ADAMTS9: variants seen among roughly 807,000 people sequenced by gnomAD.
The protein encoded by ADAMTS9 is ADAM metallopeptidase with thrombospondin type 1 motif 9.
A neutral mutation model predicts 257.1 loss-of-function variants in ADAMTS9; 107 were observed. The ratio of observed to expected loss-of-function variants is 0.42; its 90% confidence interval spans 0.36 to 0.49. The LOEUF (loss-of-function observed/expected upper bound fraction) is 0.49. ADAMTS9 is among the 20% of genes least tolerant of loss of function. ADAMTS9 has a pLI of 0.03. For missense variants in ADAMTS9, 2,353 were observed against 2,469.1 expected, an observed-to-expected ratio of 0.95 and a Z score of 1.00; for synonymous variants, 982 against 880.9, an observed-to-expected ratio of 1.11 and a Z score of -2.03.
chr3:64,647,851 T>G, intron 11 of ADAMTS9, 89 bp downstream of exon 11: 1 of 1,136,938 alleles, frequency 8.8e-7, no homozygotes, highest in Non-Finnish European at 1.3e-6. Context: ...TGCATTGTCT[T>G]ATATTCTAAA....
intron 28 of ADAMTS9, among the ~76,000 whole-genome samples, chr3:64,577,076 A>C (rs2083871075): frequency 6.6e-6 from 1 of 152,226 alleles, no homozygotes. Context: ...CAGTTATGCA[A>C]GCTATGAAAC....
intron 39 of ADAMTS9, among the ~76,000 whole-genome samples, chr3:64,520,460 C>A (rs1388595595): frequency 6.6e-6 from 1 of 152,134 alleles, no homozygotes; most frequent in Non-Finnish European, 1.5e-5. Flanking sequence ...TGATATGGAA[C>A]CAAAGCAGAG....
In ADAMTS9 at chr3:64,541,562, A is replaced by C; in HGVS notation, c.5256T>G (p.Gly1752=). 1 of 1,614,180 alleles carries C rather than the reference A, an allele frequency of 6.2e-7. No homozygotes were observed. Residue 1752 remains glycine, a synonymous_variant, in exon 34 of 40, where the codon GGT becomes GGG. Coordinates refer to ENST00000498707, the MANE Select transcript of ADAMTS9 (RefSeq NM_182920.2). ...VKRLKGASED[G]EYFLMIRGKL... ...TTCCTCTAATCATCAGGAAATATTC[A>C]CCATCTTCACTGGCACCTTTAAGTC...
intron 28 of ADAMTS9, among the ~76,000 whole-genome samples, chr3:64,576,127 A>G (rs2083839801): frequency 6.6e-6 from 1 of 152,122 alleles, no homozygotes; most frequent in Non-Finnish European, 1.5e-5. Flanking sequence ...AGAGACTATT[A>G]CTTACCAGTA....
chr3:64,671,690 CT>C (rs1445372247), intron 3 of ADAMTS9, among the ~76,000 whole-genome samples: 1 of 152,144 alleles, frequency 6.6e-6, no homozygotes, highest in Non-Finnish European at 1.5e-5. Flanking sequence ...GACTTTGCTC[CT>C]TCTCAAAGCC....
At chr3:64,623,762 G>T (rs1256779812) in intron 16 of ADAMTS9, among the ~76,000 whole-genome samples, 2 of 152,112 alleles carry the variant, frequency 1.3e-5, no homozygotes, top group Admixed American at 1.3e-4. Flanking sequence ...AAACAAGAAT[G>T]TAAGACCCAT....
intron 3 of ADAMTS9, among the ~76,000 whole-genome samples, chr3:64,673,918 T>A (rs1243111853): frequency 3.9e-5 from 6 of 152,048 alleles, no homozygotes; most frequent in Admixed American, 2.6e-4. Context: ...TCTAGCTTTA[T>A]GTATGCTTGA....
chr3:64,538,879 CTG>C lies in ADAMTS9; in HGVS notation c.5613+322_5613+323del, dbSNP rs558632560. ...TAAATATTTACTAGCACTCCGCTGA[CTG>C]TACAATATTCATTTTATTTACCACC... On this transcript the variant is annotated intron_variant, in intron 37 of 39. Transcript: ENST00000498707. Among the ~76,000 whole-genome samples the C allele has an allele frequency of 7.6e-3, 1,159 of 152,250 alleles. 15 individuals are homozygous for C. The highest frequency in any genetic ancestry group is 0.012 in the Non-Finnish European group (842 of 68,022).
chr3:64,519,706 T>C (rs564611566), intron 39 of ADAMTS9, among the ~76,000 whole-genome samples: 7 of 152,224 alleles, frequency 4.6e-5, no homozygotes, highest in African/African-American at 1.7e-4. Flanking sequence ...AATATGACCA[T>C]ATCAATAGAT....
At chr3:64,528,353 A>G (rs558240368) in intron 38 of ADAMTS9, among the ~76,000 whole-genome samples, 1 of 152,306 alleles carries the variant, frequency 6.6e-6, no homozygotes, top group South Asian at 2.1e-4. Context: ...GAGGGTATAC[A>G]GCGTTGCTGG....
chr3:64,647,437 G>A (rs928121670), intron 11 of ADAMTS9, among the ~76,000 whole-genome samples: 28 of 152,144 alleles, frequency 1.8e-4, no homozygotes, highest in Non-Finnish European at 4.1e-4. Flanking sequence ...CGAGAACTTG[G>A]ATTTGGATAT....
chr3:64,630,278 ACTGGGCTGGG>A (rs1700335065), intron 16 of ADAMTS9, among the ~76,000 whole-genome samples: 2 of 152,210 alleles, frequency 1.3e-5, no homozygotes, highest in Admixed American at 6.5e-5. Flanking sequence ...TTACAGTGAG[ACTGGGCTGGG>A]CATGGTGGCT....
chr3:64,644,619 T>C (rs1185102748), intron 11 of ADAMTS9, among the ~76,000 whole-genome samples: 1 of 152,094 alleles, frequency 6.6e-6, no homozygotes, highest in Non-Finnish European at 1.5e-5. Flanking sequence ...CCCTTTGAAC[T>C]CTTTGGCTTC....
chr3:64,642,025 C>A, intron 11 of ADAMTS9, 32 bp from the exon 12 acceptor site: 1 of 1,611,960 alleles, frequency 6.2e-7, no homozygotes, highest in Non-Finnish European at 8.5e-7. Flanking sequence ...GTGAGGGAGA[C>A]TTGGCGCTGT....
At chr3:64,619,288 G>A (rs1263559098) in intron 19 of ADAMTS9, among the ~76,000 whole-genome samples, 1 of 152,060 alleles carries the variant, frequency 6.6e-6, no homozygotes, top group Non-Finnish European at 1.5e-5. Context: ...AGCAAGGTAG[G>A]GAACAGGGAT....
intron 3 of ADAMTS9, among the ~76,000 whole-genome samples, chr3:64,659,104 G>A (rs1260703339): frequency 6.6e-6 from 1 of 152,172 alleles, no homozygotes; most frequent in Non-Finnish European, 1.5e-5. Context: ...TTGATTCAAG[G>A]AATCTCACGC....
intron 38 of ADAMTS9, among the ~76,000 whole-genome samples, chr3:64,526,639 T>C (rs1336458421): frequency 1.3e-5 from 2 of 152,212 alleles, no homozygotes; most frequent in South Asian, 2.1e-4. Context: ...TCAAAACTTA[T>C]GCTTTACTCA....
At position 64,518,638 on chromosome 3, in the gene ADAMTS9, C is replaced by T. The variant is rs569372269; in HGVS notation, c.*6-1517G>A. 7.9e-5 allele frequency among the ~76,000 whole-genome samples: 12 copies of T among 152,140 alleles called. No individual in the cohort carries two copies. The South Asian group carries it at 2.5e-3, about 32-fold the overall frequency. On this transcript the variant is annotated intron_variant, in intron 39 of 39. Transcript: ENST00000498707. Reference sequence around the variant, plus strand: ...ATTTCTAACAAGTTCCTAGGTAAAGCTGATCGAGCTGATTCTTGGACCACA... The same window carrying T: ...ATTTCTAACAAGTTCCTAGGTAAAGTTGATCGAGCTGATTCTTGGACCACA...
chr3:64,559,260 G>T (rs1361301267), intron 30 of ADAMTS9, among the ~76,000 whole-genome samples: 1 of 152,126 alleles, frequency 6.6e-6, no homozygotes, highest in African/African-American at 2.4e-5. Context: ...GCTGTCAGCA[G>T]GCCTTGCATG....
Sources: allele counts gnomAD v4.1 joint callset (sites outside exome capture counted in the v4.1 genomes callset), GRCh38; gene constraint gnomAD v4.1.1; transcripts MANE v1.5; gene names NCBI Gene and HGNC (gene_info 2026-07-23, HGNC 2026-07-21).